EXOC4: variants seen among roughly 807,000 people sequenced by gnomAD.
The protein encoded by EXOC4 is SEC8-like 1.
In EXOC4, 71 loss-of-function variants were observed where a neutral mutation model predicts 107.2. The observed-to-expected ratio is 0.66, with a 90% CI of 0.55 to 0.81. The LOEUF is 0.81. Among genes scored for constraint, EXOC4 ranks in the 30% least tolerant of loss-of-function variants. The pLI, the probability that EXOC4 is intolerant of heterozygous loss-of-function variation, is 0.00. For missense variants in EXOC4, 1,108 were observed against 1,189.6 expected (o/e 0.93, Z 1.01); for synonymous variants, 456 against 441.2 (o/e 1.03, Z -0.42).
At chr7:134,031,132 T>TG in intron 17 of EXOC4, among the ~76,000 whole-genome samples, 1 of 152,194 alleles carries the variant, frequency 6.6e-6, no homozygotes, top group Non-Finnish European at 1.5e-5. Context: ...GGGAAGGGGA[T>TG]AACAGCTAAA....
At chr7:133,821,213 T>A (rs1317213237) in intron 11 of EXOC4, among the ~76,000 whole-genome samples, 1 of 152,230 alleles carries the variant, frequency 6.6e-6, no homozygotes, top group African/African-American at 2.4e-5. Flanking sequence ...TTGTCTGTAT[T>A]GATTGCAAGT....
chr7:133,357,296 A>G (rs1796044755), intron 6 of EXOC4, among the ~76,000 whole-genome samples: 2 of 152,218 alleles, frequency 1.3e-5, no homozygotes, highest in African/African-American at 4.8e-5. Context: ...TATTGCAGTT[A>G]GGAGAACTGG....
At chr7:133,831,438 T>C (rs56054938) in intron 11 of EXOC4, among the ~76,000 whole-genome samples, 15,911 of 152,274 alleles carry the variant, frequency 0.1, 886 homozygotes, top group Middle Eastern at 0.17. Flanking sequence ...TATAGACTTA[T>C]AGATTTGTAT....
intron 10 of EXOC4, among the ~76,000 whole-genome samples, chr7:133,770,528 A>G (rs1212955917): frequency 6.6e-6 from 1 of 151,912 alleles, no homozygotes; most frequent in African/African-American, 2.4e-5. Context: ...GCCAATGCAC[A>G]CTTAATCAGA....
chr7:133,628,609 T>C (rs1802512996), intron 9 of EXOC4, among the ~76,000 whole-genome samples: 2 of 152,172 alleles, frequency 1.3e-5, no homozygotes. Flanking sequence ...TTTCCCAACA[T>C]CCAAAGTGAT....
chr7:133,450,031 A>G (rs1798306651), intron 7 of EXOC4, among the ~76,000 whole-genome samples: 1 of 152,158 alleles, frequency 6.6e-6, no homozygotes, highest in South Asian at 2.1e-4. Context: ...CCTCTTTAAA[A>G]AAAATCTTAT....
intron 9 of EXOC4, among the ~76,000 whole-genome samples, chr7:133,580,840 T>C (rs1563115271): frequency 6.6e-6 from 1 of 152,228 alleles, no homozygotes; most frequent in Non-Finnish European, 1.5e-5. Context: ...CACTGTACTA[T>C]CCATATGTTT....
intron 7 of EXOC4, among the ~76,000 whole-genome samples, chr7:133,404,186 G>A (rs962529687): frequency 5.9e-5 from 9 of 152,208 alleles, no homozygotes; most frequent in African/African-American, 1.9e-4. Context: ...TGCAAGCTCC[G>A]CTTCCCGGTT....
intron 10 of EXOC4, among the ~76,000 whole-genome samples, chr7:133,671,980 A>G (rs1189977445): frequency 1.3e-5 from 2 of 152,148 alleles, no homozygotes; most frequent in Non-Finnish European, 2.9e-5. Context: ...TAAAATTCGT[A>G]AATGGGAATT....
At chr7:133,328,396 G>C (rs1398701555) in intron 5 of EXOC4, among the ~76,000 whole-genome samples, 2 of 152,094 alleles carry the variant, frequency 1.3e-5, no homozygotes, top group Non-Finnish European at 1.5e-5. Flanking sequence ...GCCAGTTTGT[G>C]CCTTTTAATT....
At chr7:133,795,435 C>G (rs1381509414) in intron 10 of EXOC4, among the ~76,000 whole-genome samples, 8 of 152,158 alleles carry the variant, frequency 5.3e-5, no homozygotes, top group African/African-American at 1.9e-4. Context: ...GAGTATTACT[C>G]TGAGCAACTA....
chr7:133,771,681 CA>C (rs1375195294), intron 10 of EXOC4, among the ~76,000 whole-genome samples: 1 of 151,918 alleles, frequency 6.6e-6, no homozygotes. Context: ...ATAGTTTTTA[CA>C]AACAGCTTCC....
At chr7:133,394,663 A>G (rs1796931566) in intron 7 of EXOC4, among the ~76,000 whole-genome samples, 2 of 152,194 alleles carry the variant, frequency 1.3e-5, no homozygotes, top group Non-Finnish European at 2.9e-5. Context: ...TGCTAACATC[A>G]TTGATGATTC....
chr7:133,787,745 A>G (rs1056838170), intron 10 of EXOC4, among the ~76,000 whole-genome samples: 6 of 151,072 alleles, frequency 4.0e-5, no homozygotes, highest in Admixed American at 1.3e-4. Flanking sequence ...TCATCCTGTT[A>G]TGAGGGCTCC....
chr7:133,907,807 G>GA (rs1439685550), intron 12 of EXOC4, among the ~76,000 whole-genome samples: 7 of 123,112 alleles, frequency 5.7e-5, no homozygotes, highest in South Asian at 3.0e-4. Context: ...GAAAGAAAGA[G>GA]AGAGAAGAAG....
chr7:133,505,512 TG>T (rs1799650126), intron 9 of EXOC4, among the ~76,000 whole-genome samples: 1 of 152,186 alleles, frequency 6.6e-6, no homozygotes, highest in African/African-American at 2.4e-5. Flanking sequence ...GGAAATATTT[TG>T]TTTTAATGAC....
intron 17 of EXOC4, among the ~76,000 whole-genome samples, chr7:134,033,631 C>T (rs1319308613): frequency 6.6e-6 from 1 of 152,154 alleles, no homozygotes; most frequent in Non-Finnish European, 1.5e-5. Context: ...TACTGAAGAA[C>T]TAGTAAAAAT....
chr7:133,348,133 A>G (rs763132422), intron 5 of EXOC4, among the ~76,000 whole-genome samples: 27 of 152,228 alleles, frequency 1.8e-4, no homozygotes, highest in Non-Finnish European at 3.5e-4. Context: ...TAAAGCACCA[A>G]TAATTCTACC....
intron 17 of EXOC4, among the ~76,000 whole-genome samples, chr7:134,014,853 A>G (rs1241073175): frequency 6.6e-6 from 1 of 152,210 alleles, no homozygotes; most frequent in African/African-American, 2.4e-5. Context: ...CATCATAGGA[A>G]ATGAGGAGCC....
Sources: gnomAD v4.1 joint callset for allele counts (sites outside exome capture counted in the v4.1 genomes callset) on GRCh38, gnomAD v4.1.1 for gene constraint, MANE v1.5 for transcripts, NCBI Gene and HGNC (gene_info 2026-07-23, HGNC 2026-07-21) for gene names.